The following TMEM114 variants were observed in gnomAD, a reference collection of about 807,000 sequenced individuals.
TMEM114 encodes the protein claudin-26.
A neutral mutation model predicts 6.2 loss-of-function variants in TMEM114; 6 were observed. The observed-to-expected ratio is 0.97, with a 90% confidence interval of 0.53 to 1.91. TMEM114 has a LOEUF of 1.91. TMEM114 is among the 40% of genes most tolerant of loss of function. The probability of loss-of-function intolerance (pLI) is 0.01; values close to 1 mark genes in which losing one functional copy is unlikely to be tolerated. For synonymous variants in TMEM114, 104 were observed against 73.0 expected, an observed-to-expected ratio of 1.42 and a Z score of -2.16; for missense variants, 218 against 158.3, an observed-to-expected ratio of 1.38 and a Z score of -2.02.
chr16:8,569,371 A>T, downstream of TMEM114: 2 of 815,518 alleles, frequency 2.5e-6, no homozygotes, highest in African/African-American at 1.8e-5. Flanking sequence ...TGAACGCATT[A>T]CAGGGCCCAG....
chr16:8,545,603 C>T (rs1900641802), intron 2 of TMEM114, among the ~76,000 whole-genome samples: 1 of 152,102 alleles, frequency 6.6e-6, no homozygotes, highest in Non-Finnish European at 1.5e-5. Flanking sequence ...GGTGTCATTC[C>T]CAGAGTTTCT....
At chr16:8,532,352 A>C in the TMEM114 span, among the ~76,000 whole-genome samples, 1 of 152,108 alleles carries the variant, frequency 6.6e-6, no homozygotes, top group Non-Finnish European at 1.5e-5. Flanking sequence ...ACTTATAAAT[A>C]GGGAAGTTTG....
chr16:8,562,265 G>T (rs1180179548), intron 2 of TMEM114, among the ~76,000 whole-genome samples: 55 of 115,724 alleles, frequency 4.8e-4, no homozygotes, highest in Non-Finnish European at 8.5e-4. Context: ...AATGAGTGAG[G>T]GAGGGAGGGA....
the TMEM114 span, among the ~76,000 whole-genome samples, chr16:8,531,331 A>G: frequency 6.6e-6 from 1 of 152,216 alleles, no homozygotes; most frequent in Non-Finnish European, 1.5e-5. Flanking sequence ...TTAGTTTCTC[A>G]TATTCATTAA....
chr16:8,576,283 C>T (rs1901926111), intron 2 of TMEM114, among the ~76,000 whole-genome samples: 1 of 152,180 alleles, frequency 6.6e-6, no homozygotes, highest in Non-Finnish European at 1.5e-5. Flanking sequence ...CCTGATATTA[C>T]CCAGTCCAGA....
intron 2 of TMEM114, among the ~76,000 whole-genome samples, chr16:8,542,650 G>C (rs1205792611): frequency 6.6e-6 from 1 of 152,172 alleles, no homozygotes; most frequent in Non-Finnish European, 1.5e-5. Flanking sequence ...ACAGGGGTAG[G>C]AGTGTGCTTT....
chr16:8,563,823 G>GAGTA (rs1901393543), intron 2 of TMEM114, among the ~76,000 whole-genome samples: 2 of 140,138 alleles, frequency 1.4e-5, no homozygotes, highest in East Asian at 4.7e-4. Flanking sequence ...ATGAGTGAGT[G>GAGTA]AGTGAATGAG....
intron 3 of TMEM114, 119 bp from the exon 4 acceptor site, chr16:8,570,124 T>A (rs34435406): frequency 0.05 from 67,520 of 1,354,180 alleles, 1,980 homozygotes; most frequent in Non-Finnish European, 0.055. Flanking sequence ...TCCTTCCTGC[T>A]GCGGGACCTT....
At chr16:8,550,968 A>G (rs1017059152) in intron 2 of TMEM114, among the ~76,000 whole-genome samples, 1 of 152,212 alleles carries the variant, frequency 6.6e-6, no homozygotes, top group African/African-American at 2.4e-5. Context: ...CTTGATTTGC[A>G]GAACTACAAA....
intron 2 of TMEM114, among the ~76,000 whole-genome samples, chr16:8,540,509 A>C (rs1019091119): frequency 1.3e-5 from 2 of 152,276 alleles, no homozygotes; most frequent in African/African-American, 4.8e-5. Flanking sequence ...AATCTCAGCT[A>C]TTATTACTGT....
downstream of TMEM114, among the ~76,000 whole-genome samples, chr16:8,565,383 A>G (rs1555464098): frequency 1.3e-5 from 2 of 152,182 alleles, no homozygotes; most frequent in Non-Finnish European, 2.9e-5. Flanking sequence ...AAATGAATGG[A>G]TCTTCTTTGC....
At chr16:8,555,073 T>C (rs1490615559) in intron 2 of TMEM114, among the ~76,000 whole-genome samples, 1 of 152,220 alleles carries the variant, frequency 6.6e-6, no homozygotes, top group African/African-American at 2.4e-5. Flanking sequence ...CCCAGGTCTC[T>C]CCTTCACAGT....
At chr16:8,535,217 C>G (rs576609015), downstream of TMEM114, among the ~76,000 whole-genome samples, 36 of 150,766 alleles carry the variant, frequency 2.4e-4, no homozygotes, top group African/African-American at 8.7e-4. Context: ...GTCATAGATA[C>G]TAAGGCACTA....
At chr16:8,564,061 ATGAG>A (rs377739585) in intron 2 of TMEM114, among the ~76,000 whole-genome samples, 190 of 147,950 alleles carry the variant, frequency 1.3e-3, no homozygotes, top group African/African-American at 1.6e-3. Flanking sequence ...GAATGAGTAA[ATGAG>A]TGAGTGAGTG....
chr16:8,563,910 T>G lies in TMEM114; in HGVS notation n.212+25303A>C, dbSNP rs1293575215. 2.0e-5 allele frequency among the ~76,000 whole-genome samples: 3 copies of G among 148,258 alleles called. No homozygotes were observed. The East Asian group carries it at 5.9e-4, about 29-fold the overall frequency. ...ATTAGTGAGTGAATGAATGAGTGAG[T>G]GAGGGAATGAGTAAATGAGTGAGTG... On this transcript the variant is annotated intron_variant and non_coding_transcript_variant, in intron 2 of 2. Coordinates refer to the TMEM114 transcript ENST00000623677.
chr16:8,583,748 A>C (rs1902227655), intron 2 of TMEM114, among the ~76,000 whole-genome samples: 1 of 142,946 alleles, frequency 7.0e-6, no homozygotes, highest in Non-Finnish European at 1.5e-5. Context: ...ACCATGTCTC[A>C]AAAAAAAAAA....
At chr16:8,585,579 A>G (rs111624774) in intron 2 of TMEM114, among the ~76,000 whole-genome samples, 24 of 152,112 alleles carry the variant, frequency 1.6e-4, no homozygotes, top group African/African-American at 5.5e-4. Context: ...ATAATAGAAG[A>G]GCTTGGACCA....
chr16:8,534,509 C>A (rs534618439), downstream of TMEM114, among the ~76,000 whole-genome samples: 1 of 152,214 alleles, frequency 6.6e-6, no homozygotes, highest in Non-Finnish European at 1.5e-5. Context: ...AATGCACCTA[C>A]ATCCGTAGAC....
At chr16:8,573,226 C>T (rs970407112) in intron 2 of TMEM114, among the ~76,000 whole-genome samples, 2 of 152,058 alleles carry the variant, frequency 1.3e-5, no homozygotes, top group African/African-American at 4.8e-5. Flanking sequence ...TTGAAGACCA[C>T]GTGATGTGTG....
Sources: gnomAD v4.1 joint callset for allele counts (sites outside exome capture counted in the v4.1 genomes callset) on GRCh38, gnomAD v4.1.1 for gene constraint, MANE v1.5 for transcripts, NCBI Gene and HGNC (gene_info 2026-07-23, HGNC 2026-07-21) for gene names.